The following NDUFAF6 variants were observed in gnomAD, a reference collection of about 807,000 sequenced individuals.
NDUFAF6 encodes NADH dehydrogenase (ubiquinone) complex I, assembly factor 6.
In NDUFAF6, 45 loss-of-function variants were observed where a neutral mutation model predicts 40.8. That is an observed-to-expected ratio of 1.10 (90% CI 0.87 to 1.42). The LOEUF (loss-of-function observed/expected upper bound fraction) is 1.42. NDUFAF6 is among the 40% of genes most tolerant of loss of function. The probability of loss-of-function intolerance (pLI) is 0.00; values close to 1 mark genes in which losing one functional copy is unlikely to be tolerated. For missense variants in NDUFAF6, 435 were observed against 418.5 expected (o/e 1.04, Z -0.34); for synonymous variants, 185 against 155.9 (o/e 1.19, Z -1.39).
chr8:95,066,861 C>T (rs1318772703), intron 9 of NDUFAF6: 2 of 152,186 alleles, frequency 1.3e-5, no homozygotes, highest in African/African-American at 4.8e-5. Context: ...CAGGTCCAAA[C>T]TAAAACATTT....
chr8:95,066,565 G>A (rs1474640843), intron 9 of NDUFAF6, among the ~76,000 whole-genome samples: 2 of 152,088 alleles, frequency 1.3e-5, no homozygotes, highest in Non-Finnish European at 2.9e-5. Flanking sequence ...CTAAAGTGGG[G>A]TAGAGTCTAG....
chr8:95,034,983 G>A (rs1172154508), intron 2 of NDUFAF6, among the ~76,000 whole-genome samples: 8 of 151,742 alleles, frequency 5.3e-5, no homozygotes, highest in Non-Finnish European at 1.2e-4. Flanking sequence ...AGGTTTAAGC[G>A]ATTCTCCTGC....
Position 95,108,702 on chromosome 8 carries a change from C to A in NDUFAF6, n.344+5691C>A, listed in dbSNP as rs559541739. Among the ~76,000 whole-genome samples, 21 of 152,032 alleles carry A rather than the reference C, an allele frequency of 1.4e-4. 1 individual carries two copies. In the South Asian group the frequency reaches 3.7e-3, roughly 27 times the overall value. On this transcript the variant is annotated intron_variant and non_coding_transcript_variant, in intron 4 of 5. Coordinates refer to the NDUFAF6 transcript ENST00000523184. ...CTGTCCATTTAACAACCAGTGTTGGCGTGGATATGGGGAAATTGGAACCTT... is the reference window on the plus strand; with the variant it reads ...CTGTCCATTTAACAACCAGTGTTGGAGTGGATATGGGGAAATTGGAACCTT...
chr8:95,112,409 G>A (rs1373685682), intron 4 of NDUFAF6, among the ~76,000 whole-genome samples: 1 of 152,120 alleles, frequency 6.6e-6, no homozygotes, highest in African/African-American at 2.4e-5. Flanking sequence ...GAGACACACG[G>A]GGGAGACTGG....
intron 2 of NDUFAF6, among the ~76,000 whole-genome samples, chr8:95,088,728 T>TG (rs775391766): frequency 0.045 from 2,431 of 54,056 alleles, 54 homozygotes; most frequent in African/African-American, 0.15. Context: ...TGTGTGTGTG[T>TG]TTTCTTTTTG....
intron 1 of NDUFAF6, among the ~76,000 whole-genome samples, chr8:94,922,730 C>T (rs568473535): frequency 1.1e-4 from 17 of 151,886 alleles, no homozygotes; most frequent in African/African-American, 2.4e-4. Flanking sequence ...CCACCCACCT[C>T]GGCCTCCCAA....
intron 1 of NDUFAF6, among the ~76,000 whole-genome samples, chr8:94,938,955 G>A (rs543769917): frequency 6.6e-6 from 1 of 152,268 alleles, no homozygotes; most frequent in Admixed American, 6.5e-5. Context: ...TTTAACCTAT[G>A]GGATCTGATG....
intron 3 of NDUFAF6, among the ~76,000 whole-genome samples, chr8:95,039,121 T>C (rs10105495): frequency 0.91 from 137,515 of 151,594 alleles, 62,658 homozygotes; most frequent in East Asian, 1. Flanking sequence ...GGACTACAGT[T>C]ACCCGCCACC....
chr8:95,113,927 A>T (rs1320819821), intron 4 of NDUFAF6, among the ~76,000 whole-genome samples: 2 of 146,560 alleles, frequency 1.4e-5, no homozygotes, highest in African/African-American at 5.0e-5. Flanking sequence ...AACACCGCAT[A>T]TTCTCACTCA....
At chr8:94,915,587 G>A (rs925544789) in intron 1 of NDUFAF6, among the ~76,000 whole-genome samples, 53 of 152,222 alleles carry the variant, frequency 3.5e-4, no homozygotes, top group Non-Finnish European at 1.0e-4. Flanking sequence ...TGTATACCCA[G>A]TATTGGGATT....
chr8:95,036,938 G>A (rs1167892391), intron 3 of NDUFAF6, among the ~76,000 whole-genome samples: 2 of 152,206 alleles, frequency 1.3e-5, no homozygotes, highest in African/African-American at 4.8e-5. Context: ...CTTGCTGCAT[G>A]TTCTCTATCC....
chr8:95,048,221 C>T (rs1021845053), intron 6 of NDUFAF6, among the ~76,000 whole-genome samples: 5 of 152,070 alleles, frequency 3.3e-5, no homozygotes, highest in African/African-American at 1.2e-4. Context: ...GTTGCATGTT[C>T]CAGGTGTCAC....
At chr8:94,953,122 T>C (rs1586786090), upstream of NDUFAF6, among the ~76,000 whole-genome samples, 1 of 152,048 alleles carries the variant, frequency 6.6e-6, no homozygotes. Flanking sequence ...CCGAGGCAGG[T>C]GGATCACCTG....
intron 1 of NDUFAF6, among the ~76,000 whole-genome samples, chr8:95,026,510 T>G (rs1392321947): frequency 6.6e-6 from 1 of 152,034 alleles, no homozygotes; most frequent in Non-Finnish European, 1.5e-5. Context: ...TGATTACTTG[T>G]AAGAGAAACA....
intron 2 of NDUFAF6, among the ~76,000 whole-genome samples, chr8:95,004,709 A>G (rs1465903574): frequency 1.3e-5 from 2 of 152,134 alleles, no homozygotes; most frequent in African/African-American, 4.8e-5. Context: ...TGTGATCCTG[A>G]CTAATAACAG....
chr8:94,920,980 C>T (rs928551775), intron 1 of NDUFAF6, among the ~76,000 whole-genome samples: 26 of 151,968 alleles, frequency 1.7e-4, no homozygotes, highest in African/African-American at 5.5e-4. Flanking sequence ...TTCAATAAGG[C>T]TAGAACTAGC....
chr8:94,956,309 G>T (rs140866936), upstream of NDUFAF6, among the ~76,000 whole-genome samples: 1 of 152,320 alleles, frequency 6.6e-6, no homozygotes, highest in Non-Finnish European at 1.5e-5. Flanking sequence ...GTCAAGGAAG[G>T]CCTCTCCAGA....
intron 1 of NDUFAF6, among the ~76,000 whole-genome samples, chr8:94,917,762 C>G (rs745932223): frequency 6.6e-6 from 1 of 152,182 alleles, no homozygotes; most frequent in Non-Finnish European, 1.5e-5. Flanking sequence ...AAATCCTCCC[C>G]TAAATGTTAT....
At chr8:94,985,562 A>G (rs1207195670) in intron 2 of NDUFAF6, among the ~76,000 whole-genome samples, 1 of 98,616 alleles carries the variant, frequency 1.0e-5, no homozygotes, top group Non-Finnish European at 1.8e-5. Context: ...CTGAGACAGA[A>G]TCTCACTCTG....
Sources: gnomAD v4.1 joint callset for allele counts (sites outside exome capture counted in the v4.1 genomes callset) on GRCh38, gnomAD v4.1.1 for gene constraint, MANE v1.5 for transcripts, NCBI Gene and HGNC (gene_info 2026-07-23, HGNC 2026-07-21) for gene names.